SPEF2: variants seen among roughly 807,000 people sequenced by gnomAD.
SPEF2 encodes sperm flagella and cilia-associated protein 2.
In SPEF2, 187 loss-of-function variants were observed where a neutral mutation model predicts 224.6. The ratio of observed to expected loss-of-function variants is 0.83; its 90% CI spans 0.74 to 0.94. The LOEUF (loss-of-function observed/expected upper bound fraction) is 0.94. Among genes scored for constraint, SPEF2 ranks in the 40% least tolerant of loss-of-function variants. The pLI is 0.00. For synonymous variants in SPEF2, 715 were observed against 707.3 expected (o/e 1.01, Z -0.17); for missense variants, 2,170 against 2,135.6 (o/e 1.02, Z -0.32).
At chr5:35,657,567 G>A (rs564043174) in intron 7 of SPEF2, among the ~76,000 whole-genome samples, 2 of 152,222 alleles carry the variant, frequency 1.3e-5, no homozygotes, top group East Asian at 3.9e-4. Context: ...AGTGATGAGA[G>A]AGGAGTGAAC....
chr5:35,646,549 T>TA (rs540321963), intron 4 of SPEF2, 118 bp from the exon 5 acceptor site: 1 of 945,104 alleles, frequency 1.1e-6, no homozygotes, highest in Non-Finnish European at 1.6e-6. Flanking sequence ...GTCTCTTGGC[T>TA]AATTGCTGGG....
rs77395308 is a variant in SPEF2, at chr5:35,788,463, A to G, written c.4448-3877A>G. ...AGTAAATTTTTCTCTGTCATCAGTGATGGAATCATAGACAGTTTAATCAAA... is the reference window on the plus strand; with the variant it reads ...AGTAAATTTTTCTCTGTCATCAGTGGTGGAATCATAGACAGTTTAATCAAA... On this transcript the variant is annotated intron_variant, in intron 30 of 36. Transcript: ENST00000356031. 4,605 of 702,844 alleles carry G rather than the reference A, an allele frequency of 6.6e-3. 210 individuals carry two copies. In the East Asian group the frequency reaches 0.1, roughly 15 times the overall value. 43.5% of individuals were successfully genotyped at this position (702,844 alleles called of 1,614,324 possible).
At chr5:35,803,318 A>G (rs1757685142) in intron 34 of SPEF2, among the ~76,000 whole-genome samples, 1 of 152,200 alleles carries the variant, frequency 6.6e-6, no homozygotes, top group Non-Finnish European at 1.5e-5. Flanking sequence ...CAGCCAGGCT[A>G]GCTAGCACAG....
intron 20 of SPEF2, among the ~76,000 whole-genome samples, chr5:35,717,627 A>T (rs776612214): frequency 1.3e-5 from 2 of 152,044 alleles, no homozygotes; most frequent in Admixed American, 6.6e-5. Flanking sequence ...AAAGAGGAAA[A>T]CGGACTCTCG....
chr5:35,745,946 C>T (rs549868218), intron 23 of SPEF2, among the ~76,000 whole-genome samples: 13 of 152,314 alleles, frequency 8.5e-5, no homozygotes, highest in African/African-American at 3.1e-4. Context: ...TCCACCAGAA[C>T]AGGCACTGGT....
chr5:35,628,431 G>A, intron 1 of SPEF2, 29 bp from the exon 2 acceptor site: 2 of 1,448,292 alleles, frequency 1.4e-6, no homozygotes, highest in East Asian at 2.3e-5. Context: ...TTGTATTCAT[G>A]GTTTTTATCT....
At chr5:35,734,611 A>G (rs1001352619) in intron 21 of SPEF2, among the ~76,000 whole-genome samples, 1 of 151,998 alleles carries the variant, frequency 6.6e-6, no homozygotes, top group Non-Finnish European at 1.5e-5. Flanking sequence ...TGCCAACTGC[A>G]ATGCTGCTTA....
At chr5:35,717,365 C>T (rs1434018109) in intron 20 of SPEF2, among the ~76,000 whole-genome samples, 1 of 152,126 alleles carries the variant, frequency 6.6e-6, no homozygotes, top group Non-Finnish European at 1.5e-5. Flanking sequence ...GATGCTTTGC[C>T]ACATGTATTA....
intron 1 of SPEF2, among the ~76,000 whole-genome samples, chr5:35,624,857 G>A (rs998276704): frequency 3.3e-5 from 5 of 152,058 alleles, no homozygotes; most frequent in Non-Finnish European, 7.4e-5. Context: ...GGCTGGTCTC[G>A]AACTCCTGAC....
chr5:35,757,413 G>A (rs976214546), intron 24 of SPEF2, among the ~76,000 whole-genome samples: 75 of 152,104 alleles, frequency 4.9e-4, no homozygotes, highest in Non-Finnish European at 9.4e-4. Flanking sequence ...AAGTTAAGGA[G>A]GAAATAATTT....
At chr5:35,714,312 C>T (rs1353463444) in intron 20 of SPEF2, among the ~76,000 whole-genome samples, 1 of 151,256 alleles carries the variant, frequency 6.6e-6, no homozygotes, top group African/African-American at 2.4e-5. Context: ...CTTTCCCCAC[C>T]CCCAACCCCA....
intron 20 of SPEF2, among the ~76,000 whole-genome samples, chr5:35,713,493 TGGG>T (rs1741628862): frequency 6.6e-6 from 1 of 151,752 alleles, no homozygotes; most frequent in South Asian, 2.1e-4. Flanking sequence ...CCCATCAGTT[TGGG>T]AGGCTGAGGT....
At chr5:35,776,444 A>G (rs747170052) in intron 29 of SPEF2, 49 bp downstream of exon 29, 79 of 1,535,720 alleles carry the variant, frequency 5.1e-5, no homozygotes, top group Non-Finnish European at 6.7e-5. Context: ...TATTCTAAGT[A>G]CCAAAATTGA....
At chr5:35,649,594 G>T (rs1747901037) in intron 6 of SPEF2, among the ~76,000 whole-genome samples, 169 bp downstream of exon 6, 1 of 152,194 alleles carries the variant, frequency 6.6e-6, no homozygotes, top group African/African-American at 2.4e-5. Flanking sequence ...AGTTCAGATT[G>T]TTAGCAACTG....
intron 20 of SPEF2, among the ~76,000 whole-genome samples, chr5:35,722,239 G>T (rs1743819692): frequency 6.6e-6 from 1 of 152,138 alleles, no homozygotes; most frequent in Admixed American, 6.5e-5. Context: ...GTGGCTTGTG[G>T]CTGGGAACCA....
chr5:35,705,578 G>A (rs1739585610), intron 17 of SPEF2, 73 bp from the exon 18 acceptor site: 1 of 1,111,492 alleles, frequency 9.0e-7, no homozygotes, highest in Non-Finnish European at 1.3e-6. Flanking sequence ...ACGCATGTCG[G>A]ATAATTTATG....
chr5:35,672,548 G>A (rs1284105588), intron 10 of SPEF2, among the ~76,000 whole-genome samples: 2 of 151,384 alleles, frequency 1.3e-5, no homozygotes, highest in African/African-American at 4.8e-5. Context: ...TTTATTTTTT[G>A]CTTGTATGTG....
At chr5:35,655,232 G>A (rs1366510493) in intron 7 of SPEF2, among the ~76,000 whole-genome samples, 2 of 152,282 alleles carry the variant, frequency 1.3e-5, no homozygotes, top group Admixed American at 6.5e-5. Flanking sequence ...CCCCACCCCA[G>A]ACCAGACCTG....
chr5:35,621,129 T>C (rs559556282), intron 1 of SPEF2, among the ~76,000 whole-genome samples: 1 of 152,120 alleles, frequency 6.6e-6, no homozygotes, highest in Non-Finnish European at 1.5e-5. Flanking sequence ...CATGACAAAA[T>C]AGGAGAAAAA....
Sources: allele counts gnomAD v4.1 joint callset (sites outside exome capture counted in the v4.1 genomes callset), GRCh38; gene constraint gnomAD v4.1.1; transcripts MANE v1.5; gene names NCBI Gene and HGNC (gene_info 2026-07-23, HGNC 2026-07-21).